The following C11orf65 variants were observed in gnomAD, a reference collection of about 807,000 sequenced individuals.
C11orf65 encodes chromosome 11 open reading frame 65, also known as protein MFI.
A neutral mutation model predicts 35.3 loss-of-function variants in C11orf65; 38 were observed. The observed-to-expected ratio is 1.08, with a 90% CI of 0.83 to 1.41. C11orf65 has a LOEUF of 1.41. C11orf65 is among the 40% of genes most tolerant of loss of function. The probability of loss-of-function intolerance (pLI) is 0.00; values close to 1 mark genes in which losing one functional copy is unlikely to be tolerated. For synonymous variants in C11orf65, 105 were observed against 114.4 expected, an observed-to-expected ratio of 0.92 and a Z score of 0.53; for missense variants, 370 against 367.1, an observed-to-expected ratio of 1.01 and a Z score of -0.06.
At chr11:108,465,697 A>G (rs1409142130) in intron 1 of C11orf65, among the ~76,000 whole-genome samples, 1 of 151,968 alleles carries the variant, frequency 6.6e-6, no homozygotes, top group African/African-American at 2.4e-5. Flanking sequence ...TTTTTTAAAA[A>G]AAAAAGGCTG....
chr11:108,383,534 A>G (rs531389773), intron 8 of C11orf65, among the ~76,000 whole-genome samples: 2 of 152,344 alleles, frequency 1.3e-5, no homozygotes, highest in African/African-American at 4.8e-5. Context: ...GTGACAGTGC[A>G]TGTAAAGAAC....
intron 2 of C11orf65, among the ~76,000 whole-genome samples, chr11:108,354,070 A>AACACACAC (rs71047689): frequency 0.025 from 2,916 of 114,900 alleles, 116 homozygotes; most frequent in African/African-American, 0.08. Context: ...CACACACACA[A>AACACACAC]ACACACACAC....
intron 2 of C11orf65, among the ~76,000 whole-genome samples, chr11:108,362,994 A>C (rs529251993): frequency 1.3e-5 from 2 of 152,260 alleles, no homozygotes; most frequent in South Asian, 2.1e-4. Context: ...AACAAACAAA[A>C]AAAACACACC....
chr11:108,346,079 A>C (rs991355063), intron 2 of C11orf65, among the ~76,000 whole-genome samples: 1 of 152,156 alleles, frequency 6.6e-6, no homozygotes, highest in African/African-American at 2.4e-5. Flanking sequence ...GTTCATCCTG[A>C]TTCTTAGTGT....
chr11:108,409,552 G>A (rs1050071367), intron 3 of C11orf65, among the ~76,000 whole-genome samples: 1 of 152,080 alleles, frequency 6.6e-6, no homozygotes, highest in Non-Finnish European at 1.5e-5. Context: ...TGATGCTCTT[G>A]TCGTGATGCT....
intron 6 of C11orf65, among the ~76,000 whole-genome samples, chr11:108,323,982 G>A (rs2085419187): frequency 6.6e-6 from 1 of 152,050 alleles, no homozygotes; most frequent in African/African-American, 2.4e-5. Context: ...TTTGTTTTGG[G>A]AAGTATACAG....
chr11:108,463,482 C>A (rs756085856), intron 1 of C11orf65, among the ~76,000 whole-genome samples: 1 of 152,092 alleles, frequency 6.6e-6, no homozygotes. Context: ...GCTTTCCCTA[C>A]AAATAGCCTT....
intron 2 of C11orf65, among the ~76,000 whole-genome samples, chr11:108,438,037 A>G (rs2093091464): frequency 6.6e-6 from 1 of 152,210 alleles, no homozygotes; most frequent in African/African-American, 2.4e-5. Flanking sequence ...ACAGTTTGGT[A>G]CTGGCCTAAG....
chr11:108,391,960 C>T (rs2092172340), intron 7 of C11orf65, among the ~76,000 whole-genome samples: 1 of 151,756 alleles, frequency 6.6e-6, no homozygotes. Context: ...CACTATGTTT[C>T]CCAGGCTGGT....
intron 2 of C11orf65, among the ~76,000 whole-genome samples, chr11:108,359,590 A>G (rs2090460470): frequency 1.3e-5 from 2 of 152,314 alleles, no homozygotes; most frequent in African/African-American, 4.8e-5. Context: ...GATTATAACA[A>G]ACTATCTCTC....
intron 3 of C11orf65, chr11:108,332,639 A>T: frequency 9.3e-7 from 1 of 1,072,134 alleles, no homozygotes; most frequent in East Asian, 2.6e-5. Flanking sequence ...TATCTGAGGA[A>T]TTATAATCAT....
At position 108,350,094 on chromosome 11, in the gene C11orf65, A is replaced by AC. The variant is rs1565573054; in HGVS notation, c.227-14803dup. Among the ~76,000 whole-genome samples the AC allele has an allele frequency of 4.6e-5, 7 of 152,340 alleles. No individual in the cohort carries two copies. In the South Asian group the frequency reaches 1.5e-3, roughly 32 times the overall value. On this transcript the variant is annotated intron_variant, in intron 2 of 3. Transcript: ENST00000524755. ...TTCTAAAATTTACCATGGAAATGAG[A>AC]CCAAGACCTGACTAGAAAGGGATAA... is the stretch of plus-strand genomic sequence containing the variant.
intron 2 of C11orf65, chr11:108,356,220 T>C (rs1327112543): frequency 1.3e-5 from 2 of 152,106 alleles, no homozygotes; most frequent in East Asian, 1.9e-4. Flanking sequence ...TCTAAAGTTA[T>C]ATTATCTTGC....
At position 108,333,866 on chromosome 11, in the gene C11orf65, C is replaced by T. The variant is rs1294380732; in HGVS notation, c.299+1354G>A. 6 of 1,565,482 alleles carry T rather than the reference C, an allele frequency of 3.8e-6. No individual in the cohort carries two copies. Among genetic ancestry groups the T allele is most frequent in the Non-Finnish European group, 4.4e-6 (5 of 1,135,966 alleles). ...CTGTTCCTCAGTTTGTCACTAAAAT[C>T]TCTTCATTTTTAAATACAGAAGGCA... On this transcript the variant is annotated intron_variant, in intron 3 of 3. Coordinates refer to the C11orf65 transcript ENST00000524755.
At position 108,420,910 on chromosome 11, in the gene C11orf65, C is replaced by A. The variant is rs114973217; in HGVS notation, c.174+10836G>T. ...GATTACAGGTGTGAGCTACCGCACC[C>A]GGCCAAAATTCCAATAGACTTTAAA... On this transcript the variant is annotated intron_variant, in intron 3 of 8. Transcript: ENST00000393084. Among the ~76,000 whole-genome samples the A allele has an allele frequency of 8.7e-3, 1,319 of 152,170 alleles. 20 individuals are homozygous for A. The highest frequency in any genetic ancestry group is 0.03 in the African/African-American group (1,231 of 41,508).
chr11:108,409,123 C>A (rs1167322451), intron 3 of C11orf65, among the ~76,000 whole-genome samples: 1 of 152,176 alleles, frequency 6.6e-6, no homozygotes, highest in Non-Finnish European at 1.5e-5. Flanking sequence ...TTTTGCTCAA[C>A]ATGAATCTGT....
chr11:108,354,967 C>T, intron 2 of C11orf65: 1 of 1,052,118 alleles, frequency 9.5e-7, no homozygotes. Context: ...AGCACTGCTT[C>T]ATTTTAACAT....
chr11:108,464,589 T>C (rs777842768), intron 1 of C11orf65, among the ~76,000 whole-genome samples: 1 of 151,876 alleles, frequency 6.6e-6, no homozygotes, highest in Non-Finnish European at 1.5e-5. Context: ...CTCCATCTCT[T>C]GACCTCGTGA....
chr11:108,327,393 C>A (rs534110415), downstream of C11orf65: 1 of 429,488 alleles, frequency 2.3e-6, no homozygotes, highest in African/African-American at 2.0e-5. Flanking sequence ...TACAAAGTGT[C>A]TGACATATAT....
Sources: gnomAD v4.1 joint callset for allele counts (sites outside exome capture counted in the v4.1 genomes callset) on GRCh38, gnomAD v4.1.1 for gene constraint, MANE v1.5 for transcripts, NCBI Gene and HGNC (gene_info 2026-07-23, HGNC 2026-07-21) for gene names.